Variants in SULF1 observed in about 807,000 individuals in gnomAD.
The protein encoded by SULF1 is sulfatase 1, also known as extracellular sulfatase Sulf-1.
Under a neutral mutation model 110.5 loss-of-function variants are expected in SULF1, and 46 were observed. The ratio of observed to expected loss-of-function variants is 0.42; its 90% CI spans 0.33 to 0.53. The LOEUF (loss-of-function observed/expected upper bound fraction) is 0.53. Ranked by LOEUF, SULF1 falls within the 20% of genes least tolerant of loss-of-function variation. SULF1 has a pLI of 0.12. For missense variants in SULF1, 941 were observed against 1,094.2 expected (o/e 0.86, Z 1.98); for synonymous variants, 371 against 387.1 (o/e 0.96, Z 0.49).
intron 6 of SULF1, among the ~76,000 whole-genome samples, chr8:69,579,160 C>CAA (rs1179542392): frequency 0.026 from 1,387 of 52,618 alleles, 37 homozygotes; most frequent in African/African-American, 0.079. Context: ...GACTCTGTCT[C>CAA]AAAAAAAAAA....
intron 6 of SULF1, among the ~76,000 whole-genome samples, chr8:69,585,146 G>GGGGT (rs530770040): frequency 1.3e-5 from 2 of 150,270 alleles, no homozygotes; most frequent in African/African-American, 4.9e-5. Context: ...CATGCATAGG[G>GGGGT]GTGTGTGTGT....
Position 69,659,745 on chromosome 8 carries a change from TA to T in SULF1, c.*1212del, listed in dbSNP as rs1291558684. On this transcript the variant is annotated 3_prime_UTR_variant, in exon 23 of 23. Transcript: ENST00000402687. Reference sequence around the variant, plus strand: ...GCGTAATGAAGTTTTGATTCATTTTTAACCACTGGAATTTTTCAATGCCGTC... The same window carrying T: ...GCGTAATGAAGTTTTGATTCATTTTTACCACTGGAATTTTTCAATGCCGTC... 1 of 153,162 alleles carries T rather than the reference TA, an allele frequency of 6.5e-6. No individual in the cohort carries two copies. Among genetic ancestry groups the T allele is most frequent in the Non-Finnish European group, 1.5e-5 (1 of 68,438 alleles). 9.5% of individuals were successfully genotyped at this position (153,162 alleles called of 1,614,324 possible).
intron 1 of SULF1, among the ~76,000 whole-genome samples, chr8:69,470,877 C>T (rs1809056251): frequency 6.6e-6 from 1 of 152,168 alleles, no homozygotes. Context: ...GGCAGCACAG[C>T]ATCTCTACTT....
At chr8:69,513,450 C>T (rs2150594433) in intron 3 of SULF1, among the ~76,000 whole-genome samples, 1 of 152,294 alleles carries the variant, frequency 6.6e-6, no homozygotes, top group Admixed American at 6.5e-5. Flanking sequence ...AATGAATAAT[C>T]CCCAAAGCTC....
chr8:69,537,205 G>A (rs1813482046), intron 3 of SULF1, among the ~76,000 whole-genome samples: 1 of 152,090 alleles, frequency 6.6e-6, no homozygotes, highest in Admixed American at 6.5e-5. Context: ...ATTTGTCTCT[G>A]CTGGTGGAAG....
chr8:69,655,721 T>C (rs1394407435), intron 22 of SULF1, among the ~76,000 whole-genome samples: 1 of 152,218 alleles, frequency 6.6e-6, no homozygotes, highest in Non-Finnish European at 1.5e-5. Context: ...ATCCCTGTTA[T>C]CTTATTTAAC....
At chr8:69,511,307 T>C (rs1462885732) in intron 3 of SULF1, among the ~76,000 whole-genome samples, 1 of 150,634 alleles carries the variant, frequency 6.6e-6, no homozygotes, top group Non-Finnish European at 1.5e-5. Flanking sequence ...TTGGTTCAGA[T>C]TTTTTTCTCC....
At chr8:69,646,532 TCTC>T (rs1811925432) in intron 22 of SULF1, among the ~76,000 whole-genome samples, 1 of 151,736 alleles carries the variant, frequency 6.6e-6, no homozygotes, top group Non-Finnish European at 1.5e-5. Flanking sequence ...TTCAAGCAAT[TCTC>T]CTTGCCTCAG....
intron 1 of SULF1, among the ~76,000 whole-genome samples, chr8:69,470,122 T>C (rs1464880286): frequency 6.6e-6 from 1 of 152,186 alleles, no homozygotes; most frequent in Non-Finnish European, 1.5e-5. Flanking sequence ...CATCGCCACA[T>C]AGATGAGGCC....
At chr8:69,569,479 G>A (rs559198897) in intron 5 of SULF1, among the ~76,000 whole-genome samples, 53 of 152,250 alleles carry the variant, frequency 3.5e-4, no homozygotes, top group Admixed American at 2.2e-3. Flanking sequence ...AGCTGCTCTC[G>A]GACACTGGGA....
chr8:69,540,413 A>G (rs777041856), intron 3 of SULF1, among the ~76,000 whole-genome samples: 1 of 152,260 alleles, frequency 6.6e-6, no homozygotes, highest in Non-Finnish European at 1.5e-5. Flanking sequence ...GCTGAAAGAC[A>G]GGCAGGGCTA....
rs144949320 is a variant in SULF1 at position 69,554,698 on chromosome 8, G to C, written c.-133-8841G>C. On this transcript the variant is annotated intron_variant, in intron 3 of 22. Coordinates refer to ENST00000402687, the MANE Select transcript of SULF1 (RefSeq NM_001128205.2). ...AAAGAAAAAAAGAAAGAAAGAAATT[G>C]GTGAGTCGCCGTGGCTCACACCTGT... Among the ~76,000 whole-genome samples the C allele has an allele frequency of 4.6e-3, 696 of 151,974 alleles. 7 individuals are homozygous for C. The highest frequency in any genetic ancestry group is 0.016 in the African/African-American group (662 of 41,492).
intron 5 of SULF1, among the ~76,000 whole-genome samples, chr8:69,568,490 A>G (rs1177037658): frequency 6.6e-6 from 1 of 152,222 alleles, no homozygotes. Flanking sequence ...TTGCATATGG[A>G]TAACACTTTA....
chr8:69,607,896 G>A (rs781480942), intron 13 of SULF1, among the ~76,000 whole-genome samples: 47 of 152,110 alleles, frequency 3.1e-4, no homozygotes, highest in Non-Finnish European at 1.3e-4. Context: ...CCCTGCTTCC[G>A]TTCCTCTTAA....
chr8:69,653,078 T>C (rs936947834), intron 22 of SULF1, among the ~76,000 whole-genome samples: 1 of 152,128 alleles, frequency 6.6e-6, no homozygotes, highest in Non-Finnish European at 1.5e-5. Context: ...CTCTTGTTTT[T>C]ATTTTTTTTT....
chr8:69,628,054 A>G, intron 17 of SULF1, 117 bp from the exon 18 acceptor site: 1 of 988,942 alleles, frequency 1.0e-6, no homozygotes, highest in Non-Finnish European at 1.6e-6. Context: ...ACATTCAGCT[A>G]AAATACTTAC....
chr8:69,633,476 C>T (rs1322548692), intron 19 of SULF1, among the ~76,000 whole-genome samples: 1 of 151,444 alleles, frequency 6.6e-6, no homozygotes, highest in African/African-American at 2.4e-5. Context: ...TTACAGGCGG[C>T]CACCACCACG....
upstream of SULF1, among the ~76,000 whole-genome samples, chr8:69,488,073 AAAG>A (rs1809775854): frequency 6.6e-6 from 1 of 152,220 alleles, no homozygotes; most frequent in East Asian, 1.9e-4. Flanking sequence ...GCCGAGGAGA[AAAG>A]AAGATTAATT....
intron 3 of SULF1, among the ~76,000 whole-genome samples, chr8:69,527,018 T>C (rs1394320656): frequency 1.3e-5 from 2 of 152,260 alleles, no homozygotes; most frequent in East Asian, 3.9e-4. Context: ...CTTTAAACAC[T>C]CTAGAAATGC....
Sources: allele counts gnomAD v4.1 joint callset (sites outside exome capture counted in the v4.1 genomes callset), GRCh38; gene constraint gnomAD v4.1.1; transcripts MANE v1.5; gene names NCBI Gene and HGNC (gene_info 2026-07-23, HGNC 2026-07-21).